Variants in ASPM observed in about 807,000 individuals in gnomAD.
The protein encoded by ASPM is assembly factor for spindle microtubules, also known as abnormal spindle-like microcephaly-associated protein.
In ASPM, 256 loss-of-function variants were observed where a neutral mutation model predicts 366.4. That is an observed-to-expected ratio of 0.70 (90% confidence interval 0.63 to 0.77). The LOEUF (loss-of-function observed/expected upper bound fraction) is 0.77. Ranked by LOEUF, ASPM falls within the 30% of genes least tolerant of loss-of-function variation. The probability of loss-of-function intolerance (pLI) is 0.00; values close to 1 mark genes in which losing one functional copy is unlikely to be tolerated. For synonymous variants in ASPM, 1,414 were observed against 1,342.9 expected (o/e 1.05, Z -1.16); for missense variants, 4,146 against 4,090.4 (o/e 1.01, Z -0.37).
intron 17 of ASPM, among the ~76,000 whole-genome samples, chr1:197,112,354 A>G (rs1174086157): frequency 1.3e-5 from 2 of 152,024 alleles, no homozygotes; most frequent in African/African-American, 2.4e-5. Flanking sequence ...AGTGGGGCCT[A>G]TTGGAGAGTG....
chr1:197,103,512 G>C lies in ASPM; in HGVS notation c.5739C>G (p.Ala1913=), dbSNP rs1022468689. Residue 1913 remains alanine, a synonymous_variant, in exon 18 of 28, where the codon GCC becomes GCG. Coordinates refer to ENST00000367409, the MANE Select transcript of ASPM (RefSeq NM_018136.5). Reference sequence around the variant, plus strand: ...TTTTAAACAATCTAAACTGTTTCTGGGCCTTGGCCATTCTAAAAGCAGACT... The same window carrying C: ...TTTTAAACAATCTAAACTGTTTCTGCGCCTTGGCCATTCTAAAAGCAGACT... ...KIQSAFRMAK[A]QKQFRLFKTA... is the part of the protein sequence containing the mutation. 2 of 1,613,042 alleles carry C rather than the reference G, an allele frequency of 1.2e-6. No individual in the cohort carries two copies. Among genetic ancestry groups the C allele is most frequent in the Admixed American group, 1.7e-5 (1 of 59,868 alleles).
At chr1:197,089,343 A>G (rs778374030) in intron 25 of ASPM, among the ~76,000 whole-genome samples, 4 of 152,084 alleles carry the variant, frequency 2.6e-5, no homozygotes, top group Non-Finnish European at 5.9e-5. Flanking sequence ...CAAGGCCAAA[A>G]GACAAATTCT....
chr1:197,102,613 TTTAAC>T lies in ASPM; in HGVS notation c.6633_6637del (p.Leu2212GlufsTer24). 1 of 1,612,564 alleles carries T rather than the reference TTTAAC, an allele frequency of 6.2e-7. No individual in the cohort carries two copies. The highest frequency in any genetic ancestry group is 2.2e-5 in the East Asian group (1 of 44,788). On this transcript the variant is annotated frameshift_variant, in exon 18 of 28. Transcript: ENST00000367409. LOFTEE classifies it high-confidence loss of function. ...TTGCTGTACTGTTTTTGTTATTTTC[TTTAAC>T]TTATTAAAGTATGTTTGCTGTCTGT...
At position 197,133,379 on chromosome 1, in the gene ASPM, C is replaced by T. The variant is rs750028073; in HGVS notation, c.2390G>A (p.Arg797Gln). ...ATCTTTCCATAGGTGTCTATCTTTT[C>T]GAACAATTAACCGCCTAGCTTCAAT... ...IEIEARRLIV[R>Q]KDRHLWKDVG... is the part of the protein sequence containing the mutation. The change falls in exon 6 of 28, where the codon CGA (arginine) becomes CAA (glutamine). Residue 797 changes from arginine to glutamine, a missense_variant. Physicochemically the swap from Arg to Gln is conservative, Grantham distance 43. Transcript: ENST00000367409. The T allele has an allele frequency of 1.5e-5, 24 of 1,613,760 alleles. No homozygotes were observed. The South Asian group carries it at 1.8e-4, about 12-fold the overall frequency.
chr1:197,112,874 C>T (rs984238733), intron 17 of ASPM, among the ~76,000 whole-genome samples: 2 of 152,098 alleles, frequency 1.3e-5, no homozygotes, highest in Non-Finnish European at 2.9e-5. Flanking sequence ...AATGGGTGCA[C>T]ATCCTCAACT....
Position 197,146,664 on chromosome 1 carries a change from G to A in ASPM, c.-227C>T. The A allele has an allele frequency of 3.4e-6, 2 of 595,360 alleles. No homozygotes were observed. The highest frequency in any genetic ancestry group is 3.0e-5 in the Admixed American group (1 of 33,242). 36.9% of individuals were successfully genotyped at this position (595,360 alleles called of 1,614,324 possible). ...AGGAGCCAAACAAGTATGGCGTTTTGACTCTGTTTAAACTTGCCGCCTCCA... is the reference window on the plus strand; with the variant it reads ...AGGAGCCAAACAAGTATGGCGTTTTAACTCTGTTTAAACTTGCCGCCTCCA... On this transcript the variant is annotated 5_prime_UTR_variant, in exon 1 of 28. Coordinates refer to ENST00000367409, the MANE Select transcript of ASPM (RefSeq NM_018136.5).
rs375572921 is a variant in ASPM at position 197,143,157 on chromosome 1, A to C, written c.1095T>G (p.Ile365Met). 29 of 1,613,414 alleles carry C rather than the reference A, an allele frequency of 1.8e-5. No homozygotes were observed. The African/African-American group carries it at 3.2e-4, about 18-fold the overall frequency. ...STIAHEIYQK[I>M]LSPDSFIKDN... ...CTTTTATGAAAGAATCTGGACTTAA[A>C]ATTTTCTGATAAATTTCATGTGCAA... Residue 365 changes from isoleucine to methionine, a missense_variant, in exon 3 of 28, where the codon ATT becomes ATG. Ile to Met is a conservative substitution (Grantham distance 10). This residue lies in a region of ASPM where 512 missense variants were observed against 471.7 expected (regional missense o/e 1.09). Coordinates refer to ENST00000367409, the MANE Select transcript of ASPM (RefSeq NM_018136.5).
intron 26 of ASPM, among the ~76,000 whole-genome samples, chr1:197,087,175 C>T (rs929275688): frequency 2.0e-5 from 3 of 151,908 alleles, no homozygotes; most frequent in East Asian, 3.9e-4. Context: ...CCCGGGTTCA[C>T]GCCATTCTCC....
intron 4 of ASPM, among the ~76,000 whole-genome samples, chr1:197,136,791 T>G (rs1240757312): frequency 1.3e-5 from 2 of 152,100 alleles, no homozygotes; most frequent in African/African-American, 4.8e-5. Context: ...AAACTCTATT[T>G]CACATAAAAC....
chr1:197,090,836 C>A lies in ASPM; in HGVS notation c.9636+14G>T. On this transcript the variant is annotated intron_variant, in intron 23 of 27. Coordinates refer to ENST00000367409, the MANE Select transcript of ASPM (RefSeq NM_018136.5). ...ACTAAAGTTTTGAACTAAAACTATA[C>A]AAGTTTCAATTACCTGAATTTTAAT... The A allele has an allele frequency of 1.2e-6, 2 of 1,606,202 alleles. No homozygotes were observed. Among genetic ancestry groups the A allele is most frequent in the South Asian group, 1.1e-5 (1 of 90,912 alleles).
chr1:197,139,262 T>C, intron 4 of ASPM: 1 of 940,090 alleles, frequency 1.1e-6, no homozygotes, highest in Non-Finnish European at 1.7e-6. Context: ...TTTTACCAAC[T>C]TTCACTTCAT....
intron 15 of ASPM, 50 bp from the exon 16 acceptor site, chr1:197,122,093 GTACT>G (rs1180152900): frequency 6.2e-7 from 1 of 1,600,322 alleles, no homozygotes; most frequent in Non-Finnish European, 8.6e-7. Context: ...AGAGAATACA[GTACT>G]TACTATCATC....
chr1:197,103,704 T>C lies in ASPM; in HGVS notation c.5547A>G (p.Gln1849=). Residue 1849 remains glutamine, a synonymous_variant, in exon 18 of 28, where the codon CAA becomes CAG. Coordinates refer to ENST00000367409, the MANE Select transcript of ASPM (RefSeq NM_018136.5). ...NKRVKYQSVL[Q]SIIKIQRWYR... The stretch of plus-strand genomic sequence containing the variant: ...ACCATCTCTGAATCTTTATTATAGA[T>C]TGAAGCACAGATTGATATTTTACCC... 6.2e-7 allele frequency: 1 copy of C among 1,612,868 alleles called. No individual in the cohort carries two copies. The highest frequency in any genetic ancestry group is 8.5e-7 in the Non-Finnish European group (1 of 1,179,348).
In ASPM at chr1:197,101,587, T is replaced by C; in HGVS notation, c.7664A>G (p.Lys2555Arg). 1 of 1,609,996 alleles carries C rather than the reference T, an allele frequency of 6.2e-7. No individual in the cohort carries two copies. The highest frequency in any genetic ancestry group is 8.5e-7 in the Non-Finnish European group (1 of 1,178,880). ...KARQLLREKHKASIVIQSTYR... is the reference protein window; with the variant it reads ...KARQLLREKHRASIVIQSTYR... ...GGTGCTTTGTATTACGATAGAAGCT[T>C]TGTGTTTTTCCCTTAAAAGTTGTCT... Residue 2555 changes from lysine (K) to arginine (R), a missense_variant, in exon 18 of 28, where the codon AAA becomes AGA. Lys to Arg is a conservative substitution (Grantham distance 26). Transcript: ENST00000367409.
At position 197,128,369 on chromosome 1, in the gene ASPM, T is replaced by G. The variant is rs969864934; in HGVS notation, c.2936+121A>C. ...AAAAAAAAAAAAAAACCTCAATTTT[T>G]TTCAGTACTAAATTTATTGTACTAC... On this transcript the variant is annotated intron_variant, in intron 10 of 27. Coordinates refer to ENST00000367409, the MANE Select transcript of ASPM (RefSeq NM_018136.5). 6 of 1,057,124 alleles carry G rather than the reference T, an allele frequency of 5.7e-6. No individual in the cohort carries two copies. The African/African-American group carries it at 8.2e-5, about 14-fold the overall frequency. The allele number at this position is 1,057,124 out of a possible 1,614,324, so 65.5% of individuals were successfully genotyped here. A position where few individuals can be genotyped will look rare whatever the true frequency, so the allele number is the denominator to read the frequency against.
chr1:197,111,572 C>T (rs576874179), intron 17 of ASPM, among the ~76,000 whole-genome samples: 11 of 152,216 alleles, frequency 7.2e-5, no homozygotes, highest in East Asian at 5.8e-4. Context: ...AAACCCACTA[C>T]GGGGTATATA....
intron 10 of ASPM, among the ~76,000 whole-genome samples, 156 bp from the exon 11 acceptor site, chr1:197,125,347 A>T (rs1315995169): frequency 6.6e-6 from 1 of 152,238 alleles, no homozygotes; most frequent in Non-Finnish European, 1.5e-5. Flanking sequence ...CTGTTGCTCC[A>T]TAGTCGGCAA....
chr1:197,120,004 T>A (rs1005942251), intron 16 of ASPM, among the ~76,000 whole-genome samples: 1 of 152,032 alleles, frequency 6.6e-6, no homozygotes, highest in East Asian at 1.9e-4. Context: ...CGGAAAGATA[T>A]AATTGGATGT....
intron 10 of ASPM, among the ~76,000 whole-genome samples, chr1:197,128,073 G>A (rs1571618938): frequency 6.6e-6 from 1 of 151,936 alleles, no homozygotes; most frequent in Non-Finnish European, 1.5e-5. Context: ...GCTGAGGCAG[G>A]AGAATGGCGT....
Sources: gnomAD v4.1 joint callset for allele counts (sites outside exome capture counted in the v4.1 genomes callset) on GRCh38, gnomAD v4.1.1 for gene constraint, gnomAD v4.1.1 regional missense constraint, MANE v1.5 for transcripts, NCBI Gene and HGNC (gene_info 2026-07-23, HGNC 2026-07-21) for gene names.